SLC7A14: variants seen among roughly 807,000 people sequenced by gnomAD.
The protein encoded by SLC7A14 is gamma-aminobutyric acid transporter SLC7A14.
Under a neutral mutation model 60.2 loss-of-function variants are expected in SLC7A14, and 37 were observed. The observed-to-expected ratio is 0.61, with a 90% CI of 0.47 to 0.81. The LOEUF (loss-of-function observed/expected upper bound fraction) is 0.81, where lower values mean the gene tolerates loss of function less well. Ranked by LOEUF, SLC7A14 falls within the 30% of genes least tolerant of loss-of-function variation. SLC7A14 has a pLI of 0.00. For missense variants in SLC7A14, 886 were observed against 982.7 expected, an observed-to-expected ratio of 0.90 and a Z score of 1.32; for synonymous variants, 399 against 395.8, an observed-to-expected ratio of 1.01 and a Z score of -0.10.
At chr3:170,523,136 C>A (rs1713385427) in intron 2 of SLC7A14, among the ~76,000 whole-genome samples, 1 of 152,170 alleles carries the variant, frequency 6.6e-6, no homozygotes, top group Non-Finnish European at 1.5e-5. Context: ...ATATGCATCT[C>A]CTTTAGTCTT....
chr3:170,487,804 G>C (rs2108272991), intron 4 of SLC7A14, among the ~76,000 whole-genome samples: 1 of 152,288 alleles, frequency 6.6e-6, no homozygotes, highest in East Asian at 1.9e-4. Context: ...AATTTTGCTG[G>C]TAAAGAATTG....
At chr3:170,582,921 G>A (rs957396829) in intron 1 of SLC7A14, among the ~76,000 whole-genome samples, 15 of 152,256 alleles carry the variant, frequency 9.9e-5, no homozygotes, top group African/African-American at 2.4e-4. Flanking sequence ...ATGTTAGAGC[G>A]AACTAGAATC....
intron 2 of SLC7A14, among the ~76,000 whole-genome samples, chr3:170,516,899 C>T (rs937163582): frequency 2.0e-5 from 3 of 152,144 alleles, no homozygotes; most frequent in Admixed American, 6.5e-5. Context: ...TGGCTCTGGA[C>T]AAGTCACCTA....
chr3:170,470,361 C>A (rs79466847), intron 7 of SLC7A14, among the ~76,000 whole-genome samples: 2,197 of 96,412 alleles, frequency 0.023, 47 homozygotes, highest in African/African-American at 0.07. Flanking sequence ...TCTGTGTCTG[C>A]GCGCTCTCAC....
At position 170,557,907 on chromosome 3, in the gene SLC7A14, G is replaced by T. The variant is rs578243767; in HGVS notation, c.-153+28004C>A. Among the ~76,000 whole-genome samples, 8 of 152,212 alleles carry T rather than the reference G, an allele frequency of 5.3e-5. No homozygotes were observed. The East Asian group carries it at 1.5e-3, about 29-fold the overall frequency. ...GATCTTGAGCAAGACTTATGACTCC[G>T]AATTAAAAGGCAAGGAAAGAGATAG... On this transcript the variant is annotated intron_variant, in intron 1 of 7. Transcript: ENST00000231706.
Position 170,498,651 on chromosome 3 carries a change from T to A in SLC7A14, c.759+16A>T, listed in dbSNP as rs1037186002. The A allele has an allele frequency of 6.2e-7, 1 of 1,613,406 alleles. No homozygotes were observed. Among genetic ancestry groups the A allele is most frequent in the Admixed American group, 1.7e-5 (1 of 60,020 alleles). ...GAGTGTGTGACAGGCACACCAGGTGTTTGGAACAAACTTACCCCTGACCAG... is the reference window on the plus strand; with the variant it reads ...GAGTGTGTGACAGGCACACCAGGTGATTGGAACAAACTTACCCCTGACCAG... On this transcript the variant is annotated intron_variant, in intron 4 of 7. Coordinates refer to ENST00000231706, the MANE Select transcript of SLC7A14 (RefSeq NM_020949.3).
intron 2 of SLC7A14, among the ~76,000 whole-genome samples, chr3:170,512,654 A>ATTTT (rs71176570): frequency 0.096 from 6,079 of 63,032 alleles, 1,532 homozygotes; most frequent in Non-Finnish European, 0.13. Flanking sequence ...TACAATTTGC[A>ATTTT]TTTTTTTTTT....
In SLC7A14 at chr3:170,578,552, C is replaced by T. The variant is rs139481806; in HGVS notation, c.-153+7359G>A. Among the ~76,000 whole-genome samples the T allele has an allele frequency of 9.6e-4, 146 of 152,316 alleles. 1 individual carries two copies. The East Asian group carries it at 0.026, about 27-fold the overall frequency. ...TCAAATTGGGCAGGTAATTTAACTACTTTAGTATCCAGGTTTCTCATCTGT... is the reference window on the plus strand; with the variant it reads ...TCAAATTGGGCAGGTAATTTAACTATTTTAGTATCCAGGTTTCTCATCTGT... On this transcript the variant is annotated intron_variant, in intron 1 of 7. Coordinates refer to ENST00000231706, the MANE Select transcript of SLC7A14 (RefSeq NM_020949.3).
At chr3:170,467,471 T>TGGGG in intron 7 of SLC7A14, 94 bp from the exon 8 acceptor site, 5 of 100,872 alleles carry the variant, frequency 5.0e-5, no homozygotes, top group East Asian at 2.6e-4. Flanking sequence ...AAATCAAAGC[T>TGGGG]GGCGGGGTGG....
At chr3:170,531,491 G>A (rs1335970979) in intron 1 of SLC7A14, among the ~76,000 whole-genome samples, 2 of 151,986 alleles carry the variant, frequency 1.3e-5, no homozygotes, top group African/African-American at 4.8e-5. Flanking sequence ...AAAAGCAAAG[G>A]TTGAGGGTGG....
intron 1 of SLC7A14, among the ~76,000 whole-genome samples, chr3:170,548,558 G>A (rs1327625132): frequency 6.6e-6 from 1 of 152,196 alleles, no homozygotes; most frequent in Non-Finnish European, 1.5e-5. Flanking sequence ...TCTTTGCCTA[G>A]CTTAGTTGTT....
chr3:170,495,520 A>G, intron 4 of SLC7A14: 3 of 741,102 alleles, frequency 4.0e-6, no homozygotes, highest in East Asian at 4.9e-5. Context: ...TTTTACACGA[A>G]TGGGCCTGGT....
rs142761533 is a variant in SLC7A14 at position 170,509,381 on chromosome 3, T to C, written c.305-8036A>G. On this transcript the variant is annotated intron_variant, in intron 2 of 7. Transcript: ENST00000231706. ...GCTCCAATTAAAGTTGGGTAGGGAA[T>C]AGAGAACTCCCAAGTCTGCCAAACC... 5.5e-4 allele frequency among the ~76,000 whole-genome samples: 84 copies of C among 152,196 alleles called. 1 individual carries two copies. The East Asian group carries it at 0.012, about 21-fold the overall frequency.
chr3:170,484,843 G>A (rs1430691211), intron 5 of SLC7A14, among the ~76,000 whole-genome samples: 1 of 152,152 alleles, frequency 6.6e-6, no homozygotes. Flanking sequence ...CTGGGGATGG[G>A]GCAGGGTGGG....
At chr3:170,577,303 G>C (rs59973116) in intron 1 of SLC7A14, among the ~76,000 whole-genome samples, 1 of 152,168 alleles carries the variant, frequency 6.6e-6, no homozygotes, top group Non-Finnish European at 1.5e-5. Flanking sequence ...AGGCCATCCC[G>C]CTCCCCACAG....
At chr3:170,479,642 G>T (rs1330149291) in intron 7 of SLC7A14, among the ~76,000 whole-genome samples, 1 of 152,200 alleles carries the variant, frequency 6.6e-6, no homozygotes, top group African/African-American at 2.4e-5. Context: ...AATCAGTAAG[G>T]ATGGTGGCAT....
At chr3:170,557,334 A>T (rs900289324) in intron 1 of SLC7A14, among the ~76,000 whole-genome samples, 8 of 151,998 alleles carry the variant, frequency 5.3e-5, no homozygotes, top group Non-Finnish European at 7.4e-5. Context: ...TGCCCAGCCG[A>T]GCCTGGTCTC....
rs938427458 is a variant in SLC7A14 at position 170,480,672 on chromosome 3, A to G, written c.1610T>C (p.Ile537Thr). 1.7e-5 allele frequency: 28 copies of G among 1,614,126 alleles called. No homozygotes were observed. Among genetic ancestry groups the G allele is most frequent in the Non-Finnish European group, 2.3e-5 (27 of 1,180,048 alleles). ...TCTCATGGTGTAATAATGAGGCCCA[A>G]TCAGCTTCTTTAACTTGATGAGATA... ...NIYLIKLKKL[I>T]GPHYYTMRIR... The change falls in exon 7 of 8, where the codon ATT becomes ACT. Residue 537 changes from isoleucine (I) to threonine (T), a missense_variant. Physicochemically the swap from Ile to Thr is moderately conservative, Grantham distance 89. Coordinates refer to ENST00000231706, the MANE Select transcript of SLC7A14 (RefSeq NM_020949.3).
intron 1 of SLC7A14, among the ~76,000 whole-genome samples, chr3:170,572,397 T>C (rs948488249): frequency 2.0e-5 from 3 of 152,258 alleles, no homozygotes; most frequent in Admixed American, 6.5e-5. Context: ...AGGATATTAA[T>C]ATCTACTTTA....
Sources: gnomAD v4.1 joint callset for allele counts (sites outside exome capture counted in the v4.1 genomes callset) on GRCh38, gnomAD v4.1.1 for gene constraint, MANE v1.5 for transcripts, NCBI Gene and HGNC (gene_info 2026-07-23, HGNC 2026-07-21) for gene names.